ZNF469: variants seen among roughly 807,000 people sequenced by gnomAD.
The protein encoded by ZNF469 is zinc finger protein 469.
A neutral mutation model predicts 1.0 loss-of-function variants in ZNF469; 1 was observed. The observed-to-expected ratio is 1.00, with a 90% CI of 0.35 to 4.73. ZNF469 has a LOEUF of 4.73. ZNF469 is among the 30% of genes most tolerant of loss of function. The pLI, the probability that ZNF469 is intolerant of heterozygous loss-of-function variation, is 0.16. For synonymous variants in ZNF469, 2,703 were observed against 2,363.4 expected, an observed-to-expected ratio of 1.14 and a Z score of -4.17; for missense variants, 6,100 against 5,356.3, an observed-to-expected ratio of 1.14 and a Z score of -4.33.
At chr16:88,334,441 T>A in the ZNF469 span, among the ~76,000 whole-genome samples, 1 of 152,210 alleles carries the variant, frequency 6.6e-6, no homozygotes, top group East Asian at 1.9e-4. Flanking sequence ...AAATCAGACA[T>A]GCTCCAGGGA....
chr16:88,345,406 C>T, the ZNF469 span, among the ~76,000 whole-genome samples: 1 of 152,196 alleles, frequency 6.6e-6, no homozygotes, highest in Non-Finnish European at 1.5e-5. Flanking sequence ...TAAGCAGCTC[C>T]GTGTGGCCCA....
the ZNF469 span, among the ~76,000 whole-genome samples, chr16:88,287,176 T>G: frequency 7.2e-5 from 11 of 152,228 alleles, no homozygotes; most frequent in African/African-American, 2.7e-4. Flanking sequence ...ACCTTGGTTG[T>G]TGTCCGTAGC....
the ZNF469 span, among the ~76,000 whole-genome samples, chr16:88,324,461 C>T: frequency 2.5e-4 from 38 of 152,208 alleles, no homozygotes; most frequent in Non-Finnish European, 4.3e-4. Context: ...CTGTCCTCTC[C>T]TATGGCTGTG....
chr16:88,151,059 G>T, the ZNF469 span, among the ~76,000 whole-genome samples: 10 of 152,246 alleles, frequency 6.6e-5, no homozygotes, highest in Admixed American at 5.2e-4. The surrounding 1 kb of genome is among the most constrained non-coding windows in gnomAD (Gnocchi z 5.4). Context: ...CGCGACTCCA[G>T]AGCCAGCACC....
At chr16:88,197,854 A>G in the ZNF469 span, among the ~76,000 whole-genome samples, 1 of 152,214 alleles carries the variant, frequency 6.6e-6, no homozygotes. Flanking sequence ...TCCTCACAGC[A>G]TGGCAACCAG....
chr16:88,362,166 T>G, the ZNF469 span, among the ~76,000 whole-genome samples: 1 of 152,246 alleles, frequency 6.6e-6, no homozygotes, highest in Non-Finnish European at 1.5e-5. Flanking sequence ...AGAATCAGTT[T>G]GTCAATTTCT....
chr16:88,247,047 ATGAG>A, the ZNF469 span, among the ~76,000 whole-genome samples: 5 of 88,210 alleles, frequency 5.7e-5, no homozygotes, highest in East Asian at 3.8e-4. Context: ...GAGTGAATGA[ATGAG>A]TGAGTGATTG....
chr16:88,181,148 G>A, the ZNF469 span, among the ~76,000 whole-genome samples: 2 of 149,894 alleles, frequency 1.3e-5, no homozygotes, highest in African/African-American at 4.9e-5. Flanking sequence ...TCAGCTCACT[G>A]CAAGCTCCGC....
chr16:88,168,921 C>A, the ZNF469 span, among the ~76,000 whole-genome samples: 6 of 126,968 alleles, frequency 4.7e-5, no homozygotes, highest in Non-Finnish European at 8.4e-5. This position sits in a 1 kb window ranked among gnomAD's most constrained non-coding sequence, Gnocchi z 4.3. Flanking sequence ...CATAGTGAGA[C>A]CCCCCCCTCT....
At chr16:88,131,733 C>T in the ZNF469 span, among the ~76,000 whole-genome samples, 1 of 152,258 alleles carries the variant, frequency 6.6e-6, no homozygotes, top group Non-Finnish European at 1.5e-5. Flanking sequence ...ACGGCGTCCA[C>T]TGCATGTCTT....
At chr16:88,230,080 C>A in the ZNF469 span, among the ~76,000 whole-genome samples, 1 of 152,220 alleles carries the variant, frequency 6.6e-6, no homozygotes, top group Non-Finnish European at 1.5e-5. Context: ...CCTTTCCCTC[C>A]GGTCCTCATC....
rs771929127 is a variant in ZNF469, at chr16:88,436,244, C to T, written c.8774C>T (p.Pro2925Leu). The T allele has an allele frequency of 1.5e-5, 23 of 1,549,492 alleles. No individual in the cohort carries two copies. The highest frequency in any genetic ancestry group is 2.4e-5 in the East Asian group (1 of 40,920). Residue 2925 changes from proline to leucine, a missense_variant, in exon 3 of 3, where the codon CCG becomes CTG. By Grantham distance (98) the Pro-to-Leu change is moderately conservative (BLOSUM62 -3). Coordinates refer to ENST00000565624, the MANE Select transcript of ZNF469 (RefSeq NM_001367624.2). ...TCCCTCTGCCTCTGCCATGAGGACC[C>T]GTGGGAGGACGAGGATCCCGCAGGT... is the stretch of plus-strand genomic sequence containing the variant. ...SSSLCLCHED[P>L]WEDEDPAGLP...
chr16:88,433,430 G>A lies in ZNF469; in HGVS notation c.5960G>A (p.Gly1987Asp), dbSNP rs1481253950. 6.5e-7 allele frequency: 1 copy of A among 1,550,228 alleles called. No homozygotes were observed. The highest frequency in any genetic ancestry group is 1.4e-5 in the African/African-American group (1 of 73,042). Residue 1987 changes from glycine (G) to aspartate (D), a missense_variant, in exon 3 of 3, where the codon GGC becomes GAC. Physicochemically the swap from Gly to Asp is moderately conservative, Grantham distance 94. Coordinates refer to ENST00000565624, the MANE Select transcript of ZNF469 (RefSeq NM_001367624.2). Reference sequence around the variant, plus strand: ...GCAGATGGACATTGGGGCTTGCTTGGCCAAGCCGAGAAAACCCAGGGCCAA... The same window carrying A: ...GCAGATGGACATTGGGGCTTGCTTGACCAAGCCGAGAAAACCCAGGGCCAA... ...LEADGHWGLL[G>D]QAEKTQGQGT...
At chr16:88,351,084 G>A in the ZNF469 span, among the ~76,000 whole-genome samples, 1 of 152,220 alleles carries the variant, frequency 6.6e-6, no homozygotes, top group African/African-American at 2.4e-5. Flanking sequence ...GACCTTGCTG[G>A]GCCTGTTTCC....
the ZNF469 span, among the ~76,000 whole-genome samples, chr16:88,226,892 C>T: frequency 1.8e-4 from 28 of 152,140 alleles, no homozygotes; most frequent in African/African-American, 6.3e-4. Flanking sequence ...CCACAGGCTG[C>T]ACGTTTAAAT....
intron 1 of ZNF469, among the ~76,000 whole-genome samples, chr16:88,413,304 G>A (rs1905224224): frequency 6.6e-6 from 1 of 152,068 alleles, no homozygotes; most frequent in Non-Finnish European, 1.5e-5. Context: ...GGACAGACCC[G>A]CTCTGTCTCT....
At chr16:88,204,434 C>G in the ZNF469 span, among the ~76,000 whole-genome samples, 2 of 152,234 alleles carry the variant, frequency 1.3e-5, no homozygotes, top group African/African-American at 2.4e-5. Context: ...TGGGAAGCCC[C>G]TGCCATTCTG....
chr16:88,379,568 G>A (rs988804696), upstream of ZNF469, among the ~76,000 whole-genome samples: 1 of 152,138 alleles, frequency 6.6e-6, no homozygotes, highest in African/African-American at 2.4e-5. Flanking sequence ...GCCCCCAGGA[G>A]GGTGCTGATA....
the ZNF469 span, among the ~76,000 whole-genome samples, chr16:88,187,686 G>A: frequency 6.7e-6 from 1 of 149,678 alleles, no homozygotes; most frequent in Non-Finnish European, 1.5e-5. Flanking sequence ...ACAGTTTGAA[G>A]TAGTCCAACT....
Sources: allele counts gnomAD v4.1 joint callset (sites outside exome capture counted in the v4.1 genomes callset), GRCh38; gene constraint gnomAD v4.1.1; non-coding constraint Gnocchi (gnomAD v3.1); transcripts MANE v1.5; gene names NCBI Gene and HGNC (gene_info 2026-07-23, HGNC 2026-07-21).